TTC22: variants seen among roughly 807,000 people sequenced by gnomAD.
TTC22 encodes the protein tetratricopeptide repeat domain 22.
TTC22 carries 42 observed loss-of-function variants against 48.2 expected under a neutral mutation model. That is an observed-to-expected ratio of 0.87 (90% CI 0.68 to 1.13). The LOEUF is 1.13. TTC22 is among the 50% of genes most tolerant of loss of function. The pLI is 0.00. For missense variants in TTC22, 784 were observed against 807.0 expected (o/e 0.97, Z 0.34); for synonymous variants, 345 against 365.5 (o/e 0.94, Z 0.64).
intron 1 of TTC22, among the ~76,000 whole-genome samples, chr1:54,799,252 C>T (rs1428296673): frequency 6.6e-6 from 1 of 152,200 alleles, no homozygotes; most frequent in African/African-American, 2.4e-5. Context: ...TTAGCACTCT[C>T]TCATCTGGAT....
chr1:54,787,764 C>T lies in TTC22; in HGVS notation c.686G>A (p.Arg229His), dbSNP rs80076000. The T allele has an allele frequency of 4.4e-3, 7,049 of 1,613,344 alleles. 202 individuals carry two copies. In the East Asian group the frequency reaches 0.069, roughly 16 times the overall value. The part of the protein sequence containing the change: ...EEQKRLPAFN[R>H]TLALLRQVLK... Reference sequence around the variant, plus strand: ...CACTTGCCGGAGTAGGGCCAGCGTGCGGTTGAAGGCAGGCAGTCTCTTCTG... The same window carrying T: ...CACTTGCCGGAGTAGGGCCAGCGTGTGGTTGAAGGCAGGCAGTCTCTTCTG... The change falls in exon 3 of 7, where the codon CGC (arginine) becomes CAC (histidine). Residue 229 changes from arginine to histidine, a missense_variant. By Grantham distance (29) the Arg-to-His change is conservative (BLOSUM62 0). Coordinates refer to ENST00000371276, the MANE Select transcript of TTC22 (RefSeq NM_001114108.2).
chr1:54,787,319 G>A (rs1025774219), intron 3 of TTC22: 10 of 547,168 alleles, frequency 1.8e-5, no homozygotes, highest in African/African-American at 9.6e-5. Flanking sequence ...TTTCAGGTAC[G>A]TAGGTCTCTT....
chr1:54,782,999 T>C (rs1646274977), intron 5 of TTC22, among the ~76,000 whole-genome samples: 1 of 152,128 alleles, frequency 6.6e-6, no homozygotes, highest in Non-Finnish European at 1.5e-5. Flanking sequence ...CAACAAGCAG[T>C]TTGGGAAGAA....
Position 54,781,503 on chromosome 1 carries a change from T to G in TTC22, c.1450A>C (p.Ser484Arg). ...CLLEALLAQW[S>R]QAQLSDGELG... ...TCCCCGTCGCTCAGCTGTGCCTGGC[T>G]CCACTGCGCCAGCAGCGCCTCGAGC... Residue 484 changes from serine to arginine, a missense_variant, in exon 7 of 7, where the codon AGC (serine) becomes CGC (arginine). Coordinates refer to ENST00000371276, the MANE Select transcript of TTC22 (RefSeq NM_001114108.2). The G allele has an allele frequency of 1.3e-6, 2 of 1,501,112 alleles. No homozygotes were observed. Among genetic ancestry groups the G allele is most frequent in the Non-Finnish European group, 1.8e-6 (2 of 1,132,898 alleles). The allele number at this position is 1,501,112 out of a possible 1,614,324, so 93.0% of individuals were successfully genotyped here.
intron 3 of TTC22, 128 bp downstream of exon 3, chr1:54,787,583 A>T: frequency 1.4e-6 from 1 of 712,978 alleles, no homozygotes; most frequent in Non-Finnish European, 2.5e-6. Flanking sequence ...AGATGAGTGT[A>T]GGGGACAGAG....
At chr1:54,788,439 C>T (rs147845246) in intron 1 of TTC22, among the ~76,000 whole-genome samples, 9 of 152,188 alleles carry the variant, frequency 5.9e-5, no homozygotes, top group African/African-American at 2.2e-4. Context: ...CACCGGCCTC[C>T]CGTTTGGTGC....
chr1:54,787,727 C>G lies in TTC22; in HGVS notation c.723G>C (p.Glu241Asp). ...GGTCCCCACCTCGGTGGCGGGGGTC[C>G]TCGGACTTCAGCACTTGCCGGAGTA... ...LALLRQVLKSEDPRHRALAWC... is the reference protein window; with the variant it reads ...LALLRQVLKSDDPRHRALAWC... The change falls in exon 3 of 7, where the codon GAG becomes GAC. Residue 241 changes from glutamate (E) to aspartate (D), a missense_variant. Physicochemically the swap from Glu to Asp is conservative, Grantham distance 45. Transcript: ENST00000371276. 1.9e-6 allele frequency: 3 copies of G among 1,612,776 alleles called. No individual in the cohort carries two copies. Among genetic ancestry groups the G allele is most frequent in the Non-Finnish European group, 2.5e-6 (3 of 1,179,470 alleles).
intron 2 of TTC22, 29 bp downstream of exon 2, chr1:54,788,013 C>T (rs764413093): frequency 1.2e-6 from 2 of 1,610,336 alleles, no homozygotes; most frequent in Admixed American, 1.7e-5. Context: ...CCTCTTCCAT[C>T]CCGTACCCCC....
At chr1:54,797,479 T>A (rs1378722668) in intron 1 of TTC22, among the ~76,000 whole-genome samples, 1 of 152,154 alleles carries the variant, frequency 6.6e-6, no homozygotes. Flanking sequence ...TGAAACCCAG[T>A]CTCTACAAAA....
chr1:54,781,477 C>T lies in TTC22; in HGVS notation c.1476G>A (p.Glu492=). 6.8e-7 allele frequency: 1 copy of T among 1,471,388 alleles called. No homozygotes were observed. The highest frequency in any genetic ancestry group is 1.3e-5 in the South Asian group (1 of 75,918). 91.1% of individuals were successfully genotyped at this position (1,471,388 alleles called of 1,614,324 possible). The change falls in exon 7 of 7, where the codon GAG becomes GAA. Residue 492 remains glutamate, a synonymous_variant. Coordinates refer to ENST00000371276, the MANE Select transcript of TTC22 (RefSeq NM_001114108.2). ...GCCAGGCGTCCACCTCGCGGCCCAG[C>T]TCCCCGTCGCTCAGCTGTGCCTGGC... The part of the protein sequence containing the change: ...QWSQAQLSDG[E]LGREVDAWLR...
chr1:54,788,635 C>T lies in TTC22; in HGVS notation c.568-538G>A, dbSNP rs141372262. Among the ~76,000 whole-genome samples, 19 of 152,238 alleles carry T rather than the reference C, an allele frequency of 1.2e-4. 1 individual carries two copies. In the East Asian group the frequency reaches 2.9e-3, roughly 23 times the overall value. ...TTTATGGTAGTAGCTGCTCCAGCTTCGGGAAGGAATTTTAATGAAAACCAG... is the reference window on the plus strand; with the variant it reads ...TTTATGGTAGTAGCTGCTCCAGCTTTGGGAAGGAATTTTAATGAAAACCAG... On this transcript the variant is annotated intron_variant, in intron 1 of 6. Coordinates refer to ENST00000371276, the MANE Select transcript of TTC22 (RefSeq NM_001114108.2).
Position 54,781,456 on chromosome 1 carries a change from G to A in TTC22, c.1497C>T (p.Ala499=). 6.9e-7 allele frequency: 1 copy of A among 1,455,504 alleles called. No homozygotes were observed. The highest frequency in any genetic ancestry group is 9.0e-7 in the Non-Finnish European group (1 of 1,113,796). The allele number at this position is 1,455,504 out of a possible 1,614,324, so 90.2% of individuals were successfully genotyped here. A position where few individuals can be genotyped will look rare whatever the true frequency, so the allele number is the denominator to read the frequency against. ...SDGELGREVD[A]WLRRAQDKYP... ...ACTTGTCCTGGGCGCGGCGCAGCCA[G>A]GCGTCCACCTCGCGGCCCAGCTCCC... Residue 499 remains alanine (A), a synonymous_variant, in exon 7 of 7, where the codon GCC becomes GCT. Coordinates refer to ENST00000371276, the MANE Select transcript of TTC22 (RefSeq NM_001114108.2).
rs773349184 is a variant in TTC22 at position 54,782,408 on chromosome 1, T to A, written c.1090A>T (p.Asn364Tyr). ...TCAGCCTTGGCACAGGCCAGGTGGT[T>A]CCTGTCAGGCATGCCCCCGAGACCC... ...KMGLGGMPDR[N>Y]HLACAKADLE... The change falls in exon 6 of 7, where the codon AAC (asparagine) becomes TAC (tyrosine). Residue 364 changes from asparagine to tyrosine, a missense_variant. Physicochemically the swap from Asn to Tyr is moderately radical, Grantham distance 143. Coordinates refer to ENST00000371276, the MANE Select transcript of TTC22 (RefSeq NM_001114108.2). 5.8e-6 allele frequency: 9 copies of A among 1,551,454 alleles called. No homozygotes were observed. In the South Asian group the frequency reaches 7.1e-5, roughly 12 times the overall value.
chr1:54,788,698 G>A (rs980972421), intron 1 of TTC22, among the ~76,000 whole-genome samples: 1 of 152,104 alleles, frequency 6.6e-6, no homozygotes, highest in African/African-American at 2.4e-5. Context: ...TCTCCCTCAG[G>A]CTCCAGCCCC....
rs901950588 is a variant in TTC22 at position 54,780,691 on chromosome 1, C to T, written c.*552G>A. 1 of 152,412 alleles carries T rather than the reference C, an allele frequency of 6.6e-6. No homozygotes were observed. The highest frequency in any genetic ancestry group is 6.5e-5 in the Admixed American group (1 of 15,310). 9.4% of individuals were successfully genotyped at this position (152,412 alleles called of 1,614,324 possible). ...GAGAGGCAGGAATGAGCCCTGAGCACGAGGCTTAGGCTAGGGCCCTGTCCC... is the reference window on the plus strand; with the variant it reads ...GAGAGGCAGGAATGAGCCCTGAGCATGAGGCTTAGGCTAGGGCCCTGTCCC... On this transcript the variant is annotated 3_prime_UTR_variant, in exon 7 of 7. Transcript: ENST00000371276.
At chr1:54,788,199 G>A in intron 1 of TTC22, 102 bp from the exon 2 acceptor site, 5 of 1,154,248 alleles carry the variant, frequency 4.3e-6, no homozygotes, top group Non-Finnish European at 6.5e-6. Context: ...GCAGGCACAA[G>A]TGGGAAGGGC....
rs777374358 is a variant in TTC22, at chr1:54,785,973, G to C, written c.1020+10C>G. The C allele has an allele frequency of 8.1e-6, 13 of 1,609,762 alleles. No individual in the cohort carries two copies. In the East Asian group the frequency reaches 2.9e-4, roughly 36 times the overall value. On this transcript the variant is annotated intron_variant, in intron 5 of 6. Transcript: ENST00000371276. ...ATGGCAGGGTATGGTGGGGCAGGAA[G>C]TTGACCCACCTTGGCCCTTGTGCAG...
rs1160088573 is a variant in TTC22, at chr1:54,781,551, GGCTGGA to G, written c.1396_1401del (p.Ser466_Ser467del). 2.0e-6 allele frequency: 3 copies of G among 1,519,142 alleles called. No individual in the cohort carries two copies. Among genetic ancestry groups the G allele is most frequent in the Non-Finnish European group, 2.6e-6 (3 of 1,140,690 alleles). The allele number at this position is 1,519,142 out of a possible 1,614,324, so 94.1% of individuals were successfully genotyped here. A position where few individuals can be genotyped will look rare whatever the true frequency, so the allele number is the denominator to read the frequency against. On this transcript the variant is annotated inframe_deletion, in exon 7 of 7. Coordinates refer to ENST00000371276, the MANE Select transcript of TTC22 (RefSeq NM_001114108.2). ...AGCAGGCAGCCGAAGCCGTCGGTGT[GGCTGGA>G]GCCCGCGTCGTCCAGCTCCACTGCG... is the stretch of plus-strand genomic sequence containing the variant.
rs376602794 is a variant in TTC22 at position 54,782,443 on chromosome 1, C to T, written c.1055G>A (p.Arg352Gln). The T allele has an allele frequency of 6.4e-5, 99 of 1,550,894 alleles. No homozygotes were observed. The African/African-American group carries it at 8.1e-4, about 13-fold the overall frequency. The change falls in exon 6 of 7, where the codon CGG becomes CAG. Residue 352 changes from arginine (R) to glutamine (Q), a missense_variant. Transcript: ENST00000371276. ...HIRAYLHDLKRAKMGLGGMPD... is the reference protein window; with the variant it reads ...HIRAYLHDLKQAKMGLGGMPD... Reference sequence around the variant, plus strand: ...CATGCCCCCGAGACCCATCTTGGCCCGCTTGAGGTCATGCAGGTAGGCTCT... The same window carrying T: ...CATGCCCCCGAGACCCATCTTGGCCTGCTTGAGGTCATGCAGGTAGGCTCT...
Sources: gnomAD v4.1 joint callset for allele counts (sites outside exome capture counted in the v4.1 genomes callset) on GRCh38, gnomAD v4.1.1 for gene constraint, MANE v1.5 for transcripts, NCBI Gene and HGNC (gene_info 2026-07-23, HGNC 2026-07-21) for gene names.